The following ADAR variants were observed in gnomAD, a reference collection of about 807,000 sequenced individuals.
ADAR encodes the protein adenosine deaminase RNA specific.
ADAR carries 41 observed loss-of-function variants against 113.2 expected under a neutral mutation model. That is an observed-to-expected ratio of 0.36 (90% confidence interval 0.28 to 0.47). The LOEUF is 0.47. Ranked by LOEUF, ADAR falls within the 20% of genes least tolerant of loss-of-function variation. The pLI, the probability that ADAR is intolerant of heterozygous loss-of-function variation, is 1.00. For missense variants in ADAR, 1,242 were observed against 1,540.9 expected, an observed-to-expected ratio of 0.81 and a Z score of 3.25; for synonymous variants, 605 against 572.6, an observed-to-expected ratio of 1.06 and a Z score of -0.81.
At chr1:154,610,810 AAAAAAAAAAAAAAG>A (rs1356759430), upstream of ADAR, among the ~76,000 whole-genome samples, 88 of 58,350 alleles carry the variant, frequency 1.5e-3, no homozygotes, top group African/African-American at 5.1e-3. Flanking sequence ...CACCGTCTCA[AAAAAAAAAAAAAAG>A]AAAAAAAAAA....
chr1:154,627,359 G>C (rs1251604851), intron 1 of ADAR, among the ~76,000 whole-genome samples: 2 of 152,234 alleles, frequency 1.3e-5, no homozygotes, highest in Non-Finnish European at 2.9e-5. Flanking sequence ...AGGCACGCCA[G>C]GGCGGCGATG....
chr1:154,597,555 C>T (rs1027076491), intron 4 of ADAR, among the ~76,000 whole-genome samples: 2 of 152,150 alleles, frequency 1.3e-5, no homozygotes, highest in African/African-American at 2.4e-5. Context: ...AGGTCCTGTA[C>T]CTTTCTGTCC....
In ADAR at chr1:154,594,664, CA is replaced by C. The variant is rs562947210; in HGVS notation, c.2270+2140del. ...ATGTGTGACCAGCTGCATGTTTAAC[CA>C]AAAAAGCCTCTATAGAAAGCATACT... On this transcript the variant is annotated intron_variant, in intron 6 of 14. Transcript: ENST00000368474. 2.6e-5 allele frequency among the ~76,000 whole-genome samples: 4 copies of C among 152,250 alleles called. No homozygotes were observed. The East Asian group carries it at 5.8e-4, about 22-fold the overall frequency.
At chr1:154,603,459 T>C (rs138745284) in intron 1 of ADAR, among the ~76,000 whole-genome samples, 2 of 152,166 alleles carry the variant, frequency 1.3e-5, no homozygotes, top group African/African-American at 4.8e-5. Flanking sequence ...CCTGGATGTG[T>C]GGAGCTGGCA....
At chr1:154,592,411 T>TA (rs202035554) in intron 6 of ADAR, among the ~76,000 whole-genome samples, 2,276 of 151,998 alleles carry the variant, frequency 0.015, 27 homozygotes, top group Non-Finnish European at 0.021. Flanking sequence ...GTTCCTGTTC[T>TA]AAAAAAAATA....
At chr1:154,589,694 G>T in intron 8 of ADAR, 63 bp downstream of exon 8, 2 of 1,596,534 alleles carry the variant, frequency 1.3e-6, no homozygotes, top group South Asian at 2.2e-5. Context: ...GACTCCAGGG[G>T]AGGATGAGAG....
At chr1:154,607,733 G>GCACACACA (rs551880161) in intron 1 of ADAR, among the ~76,000 whole-genome samples, 40 of 74,894 alleles carry the variant, frequency 5.3e-4, no homozygotes, top group African/African-American at 1.6e-3. Context: ...ACACACACAC[G>GCACACACA]CACACACACA....
intron 9 of ADAR, 118 bp downstream of exon 9, chr1:154,589,251 G>C (rs1002511341): frequency 1.4e-5 from 11 of 808,376 alleles, no homozygotes; most frequent in Non-Finnish European, 2.3e-5. Context: ...GGCTGCCACT[G>C]CCACATCATG....
In ADAR at chr1:154,599,929, T is replaced by C. The variant is rs1394386279; in HGVS notation, c.1601+1112A>G. Among the ~76,000 whole-genome samples the C allele has an allele frequency of 1.2e-4, 18 of 152,184 alleles. No individual in the cohort carries two copies. In the East Asian group the frequency reaches 3.5e-3, roughly 29 times the overall value. On this transcript the variant is annotated intron_variant, in intron 2 of 14. Transcript: ENST00000368474. The stretch of plus-strand genomic sequence containing the variant: ...AGGCAGCCGTGCACACGCTCCTCCA[T>C]CCTTTCCCCCCAGGAGCTATGCAGA...
intron 1 of ADAR, among the ~76,000 whole-genome samples, chr1:154,627,505 A>AGGGCCTTTGGTACCCAGCTGTT (rs1016946231): frequency 6.6e-6 from 1 of 152,186 alleles, no homozygotes; most frequent in Non-Finnish European, 1.5e-5. Context: ...GAGGGAAACA[A>AGGGCCTTTGGTACCCAGCTGTT]GGGCCTTTGG....
At chr1:154,615,543 G>A (rs934994607) in intron 1 of ADAR, among the ~76,000 whole-genome samples, 4 of 152,118 alleles carry the variant, frequency 2.6e-5, no homozygotes, top group Non-Finnish European at 5.9e-5. Context: ...TTAAGCAGCT[G>A]GGACTACAGG....
chr1:154,603,102 G>A (rs1697990157), intron 1 of ADAR, among the ~76,000 whole-genome samples: 2 of 152,182 alleles, frequency 1.3e-5, no homozygotes, highest in Non-Finnish European at 2.9e-5. Flanking sequence ...GGGACGAGAT[G>A]ACCTCTCCTT....
chr1:154,624,966 T>C (rs993743230), intron 1 of ADAR, among the ~76,000 whole-genome samples: 4 of 152,206 alleles, frequency 2.6e-5, no homozygotes, highest in African/African-American at 9.6e-5. Context: ...ATAGCTGGCT[T>C]AAGGAGCCTG....
At chr1:154,597,559 T>C (rs1215409584) in intron 4 of ADAR, among the ~76,000 whole-genome samples, 1 of 152,168 alleles carries the variant, frequency 6.6e-6, no homozygotes, top group Non-Finnish European at 1.5e-5. Context: ...CCTGTACCTT[T>C]CTGTCCCACC....
Position 154,587,142 on chromosome 1 carries a change from C to T in ADAR, c.3020-779G>A, listed in dbSNP as rs137968249. On this transcript the variant is annotated intron_variant, in intron 11 of 14. Coordinates refer to ENST00000368474, the MANE Select transcript of ADAR (RefSeq NM_001111.5). ...ACCCATTGGCGCAGTCACTCCTCAT[C>T]TCTCCAACTCTCCCACTCCTGGCCC... Among the ~76,000 whole-genome samples the T allele has an allele frequency of 1.8e-3, 267 of 152,276 alleles. 1 individual carries two copies. Among genetic ancestry groups the T allele is most frequent in the Non-Finnish European group, 3.0e-3 (201 of 68,018 alleles).
intron 7 of ADAR, 44 bp downstream of exon 7, chr1:154,590,140 G>GTC (rs1397546748): frequency 2.9e-6 from 4 of 1,373,188 alleles, no homozygotes; most frequent in African/African-American, 1.8e-5. Flanking sequence ...GAGTTAGGAG[G>GTC]ACCCCCCCGC....
intron 6 of ADAR, among the ~76,000 whole-genome samples, chr1:154,591,033 C>A (rs901652607): frequency 6.6e-6 from 1 of 152,168 alleles, no homozygotes; most frequent in Admixed American, 6.5e-5. Flanking sequence ...TGTAAACACA[C>A]TGAAATAGGA....
In ADAR at chr1:154,585,198, C is replaced by A. The variant is rs200649075; in HGVS notation, c.3443+19G>T. The A allele has an allele frequency of 6.2e-7, 1 of 1,614,102 alleles. No homozygotes were observed. The highest frequency in any genetic ancestry group is 1.1e-5 in the South Asian group (1 of 91,064). On this transcript the variant is annotated intron_variant, in intron 14 of 14. Transcript: ENST00000368474. Reference sequence around the variant, plus strand: ...CAGGGCAGAGGCTTGGTCCTCACTGCGCTCTCCTGTCTCCTTACCCATCCA... The same window carrying A: ...CAGGGCAGAGGCTTGGTCCTCACTGAGCTCTCCTGTCTCCTTACCCATCCA...
upstream of ADAR, among the ~76,000 whole-genome samples, chr1:154,610,445 T>G (rs1240752798): frequency 3.9e-5 from 6 of 152,176 alleles, no homozygotes; most frequent in East Asian, 1.2e-3. Flanking sequence ...AAAAGCCATA[T>G]GTATACTATA....
Sources: allele counts gnomAD v4.1 joint callset (sites outside exome capture counted in the v4.1 genomes callset), GRCh38; gene constraint gnomAD v4.1.1; transcripts MANE v1.5; gene names NCBI Gene and HGNC (gene_info 2026-07-23, HGNC 2026-07-21).